PTPRG: variants seen among roughly 807,000 people sequenced by gnomAD.
PTPRG encodes the protein receptor-type tyrosine-protein phosphatase gamma.
PTPRG carries 102 observed loss-of-function variants against 165.3 expected under a neutral mutation model. The ratio of observed to expected loss-of-function variants is 0.62; its 90% CI spans 0.53 to 0.73. The LOEUF (loss-of-function observed/expected upper bound fraction) is 0.73. PTPRG is among the 30% of genes least tolerant of loss of function. PTPRG has a pLI of 0.00. For missense variants in PTPRG, 1,866 were observed against 1,861.4 expected (o/e 1.00, Z -0.05); for synonymous variants, 675 against 669.5 (o/e 1.01, Z -0.13).
chr3:61,888,327 T>TG (rs1553686761), intron 2 of PTPRG, among the ~76,000 whole-genome samples: 163 of 110,670 alleles, frequency 1.5e-3, no homozygotes, highest in African/African-American at 2.6e-3. Context: ...GGGTTGTTTT[T>TG]TTTGTTTGTT....
At chr3:61,866,628 T>G (rs2107424210) in intron 2 of PTPRG, among the ~76,000 whole-genome samples, 1 of 116,132 alleles carries the variant, frequency 8.6e-6, no homozygotes. Context: ...TGAGACGGAG[T>G]CTTGGTCTGT....
At chr3:62,008,883 C>A (rs2107734005) in intron 4 of PTPRG, among the ~76,000 whole-genome samples, 1 of 152,336 alleles carries the variant, frequency 6.6e-6, no homozygotes, top group Middle Eastern at 3.4e-3. Flanking sequence ...CCACTCACCT[C>A]CTGCTGTGCG....
intron 1 of PTPRG, among the ~76,000 whole-genome samples, chr3:61,619,426 C>G (rs1701389065): frequency 6.6e-6 from 1 of 152,140 alleles, no homozygotes; most frequent in African/African-American, 2.4e-5. Flanking sequence ...TTTCGACTGT[C>G]AGGACTGGGA....
At chr3:61,746,742 A>G (rs1460529115) in intron 1 of PTPRG, among the ~76,000 whole-genome samples, 2 of 152,198 alleles carry the variant, frequency 1.3e-5, no homozygotes, top group East Asian at 3.9e-4. Flanking sequence ...TCCTAGAGCT[A>G]ACATTGGTGG....
At chr3:61,562,456 C>G (rs926749167) in intron 1 of PTPRG, 84 bp downstream of exon 1, 1 of 1,366,042 alleles carries the variant, frequency 7.3e-7, no homozygotes, top group African/African-American at 1.4e-5. Flanking sequence ...GGAGCTCCGG[C>G]GCCCGTCCGG....
intron 5 of PTPRG, among the ~76,000 whole-genome samples, chr3:62,100,395 C>T (rs553143282): frequency 2.6e-5 from 4 of 152,118 alleles, no homozygotes; most frequent in African/African-American, 7.2e-5. Flanking sequence ...AAGCAGGAGC[C>T]GTCTTTACCC....
chr3:61,814,654 C>T (rs2035701043), intron 2 of PTPRG, among the ~76,000 whole-genome samples: 1 of 151,848 alleles, frequency 6.6e-6, no homozygotes, highest in Non-Finnish European at 1.5e-5. Context: ...TGTGCTGCTG[C>T]TTTATTTCAT....
At chr3:62,039,457 G>A (rs986825440) in intron 4 of PTPRG, among the ~76,000 whole-genome samples, 3 of 152,098 alleles carry the variant, frequency 2.0e-5, no homozygotes, top group Non-Finnish European at 4.4e-5. Context: ...GAAACAAGAT[G>A]AGTAATTACT....
At position 62,094,441 on chromosome 3, in the gene PTPRG, C is replaced by G. The variant is rs1210432049; in HGVS notation, c.615+16183C>G. ...AACCACTTCTTCTGCAGGTCGCTCT[C>G]TCCTGAAATCTGGATGGTGCTATGG... On this transcript the variant is annotated intron_variant, in intron 5 of 29. Transcript: ENST00000474889. 5.3e-5 allele frequency among the ~76,000 whole-genome samples: 8 copies of G among 152,310 alleles called. No homozygotes were observed. The South Asian group carries it at 1.7e-3, about 32-fold the overall frequency.
intron 2 of PTPRG, among the ~76,000 whole-genome samples, chr3:61,906,069 C>T (rs2038641437): frequency 2.0e-5 from 3 of 151,974 alleles, no homozygotes; most frequent in Admixed American, 6.6e-5. Context: ...GTACATGTGA[C>T]ATTATTAAAG....
chr3:62,093,340 C>G lies in PTPRG; in HGVS notation c.615+15082C>G, dbSNP rs188119358. ...CTGAGGTTCATGATCCTCCCGCCCTCTGCTTCCCAGAGTCACACCAGTCCA... is the reference window on the plus strand; with the variant it reads ...CTGAGGTTCATGATCCTCCCGCCCTGTGCTTCCCAGAGTCACACCAGTCCA... On this transcript the variant is annotated intron_variant, in intron 5 of 29. Transcript: ENST00000474889. Among the ~76,000 whole-genome samples the G allele has an allele frequency of 1.4e-4, 21 of 152,340 alleles. No individual in the cohort carries two copies. The East Asian group carries it at 3.7e-3, about 27-fold the overall frequency.
At chr3:61,674,935 C>G (rs181422876) in intron 1 of PTPRG, among the ~76,000 whole-genome samples, 56 of 152,260 alleles carry the variant, frequency 3.7e-4, no homozygotes, top group Non-Finnish European at 5.9e-4. Context: ...TCCCCAAATC[C>G]AACACATTCG....
chr3:62,258,895 T>C (rs1388613), intron 16 of PTPRG, among the ~76,000 whole-genome samples: 45,216 of 151,932 alleles, frequency 0.3, 7,462 homozygotes, highest in African/African-American at 0.44. Context: ...ACAAACATAA[T>C]GCAGAAGGCT....
chr3:62,191,617 G>A lies in PTPRG; in HGVS notation c.1182G>A (p.Lys394=). The A allele has an allele frequency of 6.2e-7, 1 of 1,614,144 alleles. No homozygotes were observed. Among genetic ancestry groups the A allele is most frequent in the Non-Finnish European group, 8.5e-7 (1 of 1,180,016 alleles). ...SYSWTKNEDE[K]EKTFTKDSDK... ...GCTGGACCAAGAATGAGGACGAGAAGGAGAAGACGTTTACAAAGGACAGCG... is the reference window on the plus strand; with the variant it reads ...GCTGGACCAAGAATGAGGACGAGAAAGAGAAGACGTTTACAAAGGACAGCG... Residue 394 remains lysine (K), a synonymous_variant, in exon 9 of 30, where the codon AAG becomes AAA. Transcript: ENST00000474889.
Position 62,203,499 on chromosome 3 carries a change from G to T in PTPRG, c.1704G>T (p.Ser568=), listed in dbSNP as rs746918640. Residue 568 remains serine (S), a synonymous_variant, in exon 12 of 30, where the codon TCG becomes TCT. Coordinates refer to ENST00000474889, the MANE Select transcript of PTPRG (RefSeq NM_002841.4). The surrounding 1 kb of genome is among the most constrained non-coding windows in gnomAD (Gnocchi z 6.4). ...CTTCTCCAGGGCCCGATGGTGATTCGTCACCAACCAAGGACGGCGAGGGCA... is the reference window on the plus strand; with the variant it reads ...CTTCTCCAGGGCCCGATGGTGATTCTTCACCAACCAAGGACGGCGAGGGCA... ...ALASPGPDGD[S]SPTKDGEGTE... The T allele has an allele frequency of 2.6e-6, 4 of 1,565,882 alleles. No individual in the cohort carries two copies.
intron 1 of PTPRG, among the ~76,000 whole-genome samples, chr3:61,621,961 T>TC (rs1244872947): frequency 6.6e-6 from 1 of 152,186 alleles, no homozygotes; most frequent in Non-Finnish European, 1.5e-5. Flanking sequence ...GTAATTATTA[T>TC]CTCCACAGTC....
chr3:62,084,867 A>T (rs1225023378), intron 5 of PTPRG, among the ~76,000 whole-genome samples: 1 of 152,196 alleles, frequency 6.6e-6, no homozygotes, highest in East Asian at 1.9e-4. Flanking sequence ...TTCATTCATC[A>T]TTATGTCTCT....
chr3:62,081,257 AAAAC>A (rs200988219), intron 5 of PTPRG, among the ~76,000 whole-genome samples: 3,962 of 98,568 alleles, frequency 0.04, 168 homozygotes, highest in South Asian at 0.066. Flanking sequence ...ACTCCGTCTC[AAAAC>A]AAACAAACAA....
intron 1 of PTPRG, among the ~76,000 whole-genome samples, chr3:61,582,173 G>T (rs1233619078): frequency 2.0e-5 from 3 of 151,910 alleles, no homozygotes; most frequent in African/African-American, 7.3e-5. Context: ...TTGCCATGTT[G>T]CCCAGGCCGG....
Sources: allele counts gnomAD v4.1 joint callset (sites outside exome capture counted in the v4.1 genomes callset), GRCh38; gene constraint gnomAD v4.1.1; non-coding constraint Gnocchi (gnomAD v3.1); transcripts MANE v1.5; gene names NCBI Gene and HGNC (gene_info 2026-07-23, HGNC 2026-07-21).